Variants in NECAB2 observed in about 807,000 individuals in gnomAD.
The protein encoded by NECAB2 is N-terminal EF-hand calcium binding protein 2, also known as N-terminal EF-hand calcium-binding protein 2.
In NECAB2, 68 loss-of-function variants were observed where a neutral mutation model predicts 51.9. The observed-to-expected ratio is 1.31, with a 90% CI of 1.08 to 1.60. The LOEUF is 1.60. NECAB2 is among the 40% of genes most tolerant of loss of function. The pLI, the probability that NECAB2 is intolerant of heterozygous loss-of-function variation, is 0.00. For missense variants in NECAB2, 854 were observed against 490.3 expected (o/e 1.74, Z -7.00); for synonymous variants, 329 against 203.5 (o/e 1.62, Z -5.25).
At chr16:83,977,236 T>C (rs1168724278) in intron 2 of NECAB2, among the ~76,000 whole-genome samples, 3 of 152,134 alleles carry the variant, frequency 2.0e-5, no homozygotes, top group Non-Finnish European at 4.4e-5. Context: ...TGTCATGGGC[T>C]CCCTCTTGTC....
intron 5 of NECAB2, among the ~76,000 whole-genome samples, chr16:83,985,050 C>T (rs979838068): frequency 8.5e-5 from 13 of 152,176 alleles, no homozygotes; most frequent in South Asian, 2.1e-4. Flanking sequence ...CAGTGGCTCA[C>T]GCCTGTTATC....
chr16:83,966,314 AAAGCCAGTGCC>A, upstream of NECAB2: 1 of 433,794 alleles, frequency 2.3e-6, no homozygotes, highest in Non-Finnish European at 4.1e-6. Flanking sequence ...GGTCCCAAAT[AAAGCCAGTGCC>A]CACCTGCTCT....
chr16:83,994,726 A>T (rs983140801), intron 8 of NECAB2, 38 bp downstream of exon 8: 4 of 1,602,168 alleles, frequency 2.5e-6, no homozygotes, highest in Non-Finnish European at 3.4e-6. Context: ...ACTCCTTCCA[A>T]CCCCTGAGGG....
rs769709045 is a variant in NECAB2 at position 83,994,682 on chromosome 16, G to C, written c.789G>C (p.Glu263Asp). Residue 263 changes from glutamate (E) to aspartate (D), a missense_variant, in exon 8 of 13, where the codon GAG becomes GAC. Physicochemically the swap from Glu to Asp is conservative, Grantham distance 45. Coordinates refer to ENST00000305202, the MANE Select transcript of NECAB2 (RefSeq NM_019065.3). ...TGGCAGAGCTGATTGGGAGGCTGGA[G>C]AGCAAAGTAAGCCCTGGCCTGACCA... ...SRLAELIGRL[E>D]SKALWFDLQQ... 4 of 1,613,954 alleles carry C rather than the reference G, an allele frequency of 2.5e-6. No homozygotes were observed. Among genetic ancestry groups the C allele is most frequent in the Non-Finnish European group, 3.4e-6 (4 of 1,180,028 alleles).
chr16:83,994,311 C>T lies in NECAB2; in HGVS notation c.606C>T (p.His202=), dbSNP rs768169704. 4 of 1,614,228 alleles carry T rather than the reference C, an allele frequency of 2.5e-6. No individual in the cohort carries two copies. In the East Asian group the frequency reaches 6.7e-5, roughly 27 times the overall value. The change falls in exon 7 of 13, where the codon CAC becomes CAT. Residue 202 remains histidine, a synonymous_variant. Coordinates refer to ENST00000305202, the MANE Select transcript of NECAB2 (RefSeq NM_019065.3). Reference sequence around the variant, plus strand: ...CCCATCCAAACTGCAGACAGAACCACATCAAACCCAGCCACAGCGCGGCAC... The same window carrying T: ...CCCATCCAAACTGCAGACAGAACCATATCAAACCCAGCCACAGCGCGGCAC... ...EEQTSQLRQN[H]IKPSHSAAQT... is the part of the protein sequence containing the mutation.
chr16:83,970,375 G>T (rs1027370687), intron 1 of NECAB2, among the ~76,000 whole-genome samples: 2 of 152,058 alleles, frequency 1.3e-5, no homozygotes, highest in Non-Finnish European at 2.9e-5. Flanking sequence ...CAGTTTTGAG[G>T]AGCCTTGCCC....
intron 6 of NECAB2, 118 bp downstream of exon 6, chr16:83,990,748 G>A (rs1168236699): frequency 3.7e-6 from 5 of 1,352,534 alleles, no homozygotes; most frequent in East Asian, 2.4e-5. Flanking sequence ...TGGGCAAGTT[G>A]CCACAGCTCT....
intron 1 of NECAB2, among the ~76,000 whole-genome samples, chr16:83,969,228 C>T (rs563687079): frequency 8.1e-4 from 123 of 152,214 alleles, no homozygotes; most frequent in Non-Finnish European, 1.4e-3. Flanking sequence ...CCGCCTCCTC[C>T]TCTCCATCCC....
rs1362302711 is a variant in NECAB2, at chr16:84,002,537, G to A, written c.*191G>A. 1.4e-5 allele frequency: 10 copies of A among 716,820 alleles called. No homozygotes were observed. The highest frequency in any genetic ancestry group is 5.2e-4 in the Middle Eastern group (2 of 3,862). 44.4% of individuals were successfully genotyped at this position (716,820 alleles called of 1,614,324 possible). ...CCTGAGAAGGCAGAGCAGTGTCTGT[G>A]CTGCCAGGTCCTGGTGAAGCCCAAG... On this transcript the variant is annotated 3_prime_UTR_variant, in exon 13 of 13. Coordinates refer to ENST00000305202, the MANE Select transcript of NECAB2 (RefSeq NM_019065.3).
rs577359018 is a variant in NECAB2, at chr16:84,001,856, C to G, written c.1072C>G (p.Arg358Gly). 10 of 1,614,022 alleles carry G rather than the reference C, an allele frequency of 6.2e-6. No individual in the cohort carries two copies. The highest frequency in any genetic ancestry group is 1.7e-6 in the Non-Finnish European group (2 of 1,179,986). Residue 358 changes from arginine (R) to glycine (G), a missense_variant, in exon 12 of 13, where the codon CGG (arginine) becomes GGG (glycine). By Grantham distance (125) the Arg-to-Gly change is moderately radical. Coordinates refer to ENST00000305202, the MANE Select transcript of NECAB2 (RefSeq NM_019065.3). ...GCAGAGCCCCCTGTGTAAGGCGTTC[C>G]GGCACGTCAAGGTGGACACACTGAG... The part of the protein sequence containing the change: ...HLQSPLCKAF[R>G]HVKVDTLSQP...
rs548308433 is a variant in NECAB2 at position 83,971,080 on chromosome 16, C to T, written c.202-1071C>T. On this transcript the variant is annotated intron_variant, in intron 1 of 12. Transcript: ENST00000305202. ...CTGCACTCCAGCCTGGGTGACAGAG[C>T]GAGACCCCATCTCAAAAAAAAAAAA... Among the ~76,000 whole-genome samples the T allele has an allele frequency of 2.7e-5, 4 of 145,626 alleles. No individual in the cohort carries two copies. In the East Asian group the frequency reaches 5.9e-4, roughly 21 times the overall value.
At chr16:83,998,409 A>G in intron 10 of NECAB2, 92 bp downstream of exon 10, 2 of 1,242,518 alleles carry the variant, frequency 1.6e-6, no homozygotes, top group Non-Finnish European at 2.3e-6. Flanking sequence ...TGCCCTAAGT[A>G]GTACAAGTTG....
At position 84,000,801 on chromosome 16, in the gene NECAB2, G is replaced by GGTGAGATGCTGGGTCCCCACA; in HGVS notation, c.1040+2_1040+22dup. On this transcript the variant is annotated stop_gained and inframe_insertion and splice_region_variant. Coordinates refer to ENST00000305202, the MANE Select transcript of NECAB2 (RefSeq NM_019065.3). LOFTEE classifies it high-confidence loss of function. ...TGGGAGACAGAGGAGGCGTGGAAGA[G>GGTGAGATGCTGGGTCCCCACA]GTGAGATGCTGGGTCCCCACAGCAG... 6.2e-7 allele frequency: 1 copy of GGTGAGATGCTGGGTCCCCACA among 1,613,524 alleles called. No individual in the cohort carries two copies. Among genetic ancestry groups the GGTGAGATGCTGGGTCCCCACA allele is most frequent in the Non-Finnish European group, 8.5e-7 (1 of 1,179,914 alleles).
At chr16:83,992,377 T>TTCCCC (rs1555548086) in intron 6 of NECAB2, among the ~76,000 whole-genome samples, 10 of 133,114 alleles carry the variant, frequency 7.5e-5, no homozygotes, top group African/African-American at 1.9e-4. Context: ...CGAGCACCCG[T>TTCCCC]CCCCCCGCCC....
chr16:83,966,793 C>T (rs1018120978), upstream of NECAB2, among the ~76,000 whole-genome samples: 1 of 152,216 alleles, frequency 6.6e-6, no homozygotes, highest in Non-Finnish European at 1.5e-5. Context: ...TCTAGGAAGC[C>T]TCTTCTGACA....
intron 12 of NECAB2, 104 bp downstream of exon 12, chr16:84,002,020 G>A: frequency 2.3e-6 from 3 of 1,329,692 alleles, no homozygotes; most frequent in Non-Finnish European, 3.2e-6. Context: ...GCTTGCTGTG[G>A]GCCCACTGTC....
intron 3 of NECAB2, among the ~76,000 whole-genome samples, chr16:83,979,243 C>A (rs1033060969): frequency 2.0e-5 from 3 of 152,222 alleles, no homozygotes; most frequent in Non-Finnish European, 4.4e-5. Context: ...GGGATCAGAG[C>A]CCCACCTGGT....
At position 84,002,709 on chromosome 16, in the gene NECAB2, T is replaced by A; in HGVS notation, c.*363T>A. 3.4e-6 allele frequency: 1 copy of A among 298,376 alleles called. No homozygotes were observed. The highest frequency in any genetic ancestry group is 7.0e-5 in the East Asian group (1 of 14,258). The allele number at this position is 298,376 out of a possible 1,614,324, so 18.5% of individuals were successfully genotyped here. On this transcript the variant is annotated 3_prime_UTR_variant, in exon 13 of 13. Transcript: ENST00000305202. ...TTCTACCTAGTAGGAGTCATGCCCC[T>A]GTAGTGCCCAACCTAGCCAGGTAGC...
intron 9 of NECAB2, 70 bp from the exon 10 acceptor site, chr16:83,998,135 G>A (rs980903721): frequency 5.1e-6 from 7 of 1,380,088 alleles, no homozygotes; most frequent in African/African-American, 4.3e-5. Context: ...GAGGTCATGG[G>A]GGCCTGATGG....
Sources: gnomAD v4.1 joint callset for allele counts (sites outside exome capture counted in the v4.1 genomes callset) on GRCh38, gnomAD v4.1.1 for gene constraint, MANE v1.5 for transcripts, NCBI Gene and HGNC (gene_info 2026-07-23, HGNC 2026-07-21) for gene names.